The following PANX2 variants were observed in gnomAD, a reference collection of about 807,000 sequenced individuals.
PANX2 encodes the protein pannexin-2.
Under a neutral mutation model 38.7 loss-of-function variants are expected in PANX2, and 30 were observed. That is an observed-to-expected ratio of 0.78 (90% CI 0.58 to 1.05). The LOEUF (loss-of-function observed/expected upper bound fraction) is 1.05, where lower values mean the gene tolerates loss of function less well. Among genes scored for constraint, PANX2 ranks in the 50% least tolerant of loss-of-function variants. The pLI, the probability that PANX2 is intolerant of heterozygous loss-of-function variation, is 0.00. For missense variants in PANX2, 880 were observed against 979.3 expected (o/e 0.90, Z 1.35); for synonymous variants, 539 against 472.1 (o/e 1.14, Z -1.84).
intron 1 of PANX2, among the ~76,000 whole-genome samples, chr22:50,176,303 C>T (rs1482451038): frequency 6.6e-6 from 1 of 152,248 alleles, no homozygotes; most frequent in Non-Finnish European, 1.5e-5. Context: ...TCAATTTTAG[C>T]GGCAGATACC....
At chr22:50,176,915 C>G in intron 1 of PANX2, 24 bp from the exon 2 acceptor site, 1 of 1,505,494 alleles carries the variant, frequency 6.6e-7, no homozygotes, top group Non-Finnish European at 8.8e-7. Flanking sequence ...CCCGCCCCAG[C>G]CCGTGTCTCC....
chr22:50,177,451 A>C lies in PANX2; in HGVS notation c.739A>C (p.Thr247Pro). ...CGCCGTGCCCATCTCCTACCTGTGCACCTACTACGCCACGCAGAAGCAGAA... is the reference window on the plus strand; with the variant it reads ...CGCCGTGCCCATCTCCTACCTGTGCCCCTACTACGCCACGCAGAAGCAGAA... ...LSAVPISYLC[T>P]YYATQKQNEF... The change falls in exon 2 of 3, where the codon ACC becomes CCC. Residue 247 changes from threonine (T) to proline (P), a missense_variant. This residue lies in a region of PANX2 where 114 missense variants were observed against 108.8 expected (regional missense o/e 1.05). Transcript: ENST00000395842. 1 of 1,608,692 alleles carries C rather than the reference A, an allele frequency of 6.2e-7. No individual in the cohort carries two copies. The highest frequency in any genetic ancestry group is 2.2e-5 in the East Asian group (1 of 44,604).
In PANX2 at chr22:50,170,833, G is replaced by A. The variant is rs2063625519; in HGVS notation, c.103G>A (p.Gly35Ser). ...GCCGGGCGCGCAGGACGACAAGGCG[G>A]GCGCGCTGGCCGCGCTGCTTCTGCA... ...ILPGAQDDKA[G>S]ALAALLLQLK... The change falls in exon 1 of 3, where the codon GGC becomes AGC. Residue 35 changes from glycine to serine, a missense_variant. Transcript: ENST00000395842. 2.7e-6 allele frequency: 4 copies of A among 1,488,610 alleles called. 1 individual carries two copies. Among genetic ancestry groups the A allele is most frequent in the Non-Finnish European group, 1.8e-6 (2 of 1,116,052 alleles). 92.2% of individuals were successfully genotyped at this position (1,488,610 alleles called of 1,614,324 possible).
chr22:50,179,573 G>A lies in PANX2; in HGVS notation c.*296G>A. 2.2e-6 allele frequency: 1 copy of A among 453,684 alleles called. No individual in the cohort carries two copies. Among genetic ancestry groups the A allele is most frequent in the Non-Finnish European group, 4.0e-6 (1 of 252,942 alleles). 28.1% of individuals were successfully genotyped at this position (453,684 alleles called of 1,614,324 possible). A position where few individuals can be genotyped will look rare whatever the true frequency, so the allele number is the denominator to read the frequency against. ...TCCTGCATCAGGTGCCCAGCCGTGGGTGGGGGCCCTGAGGTGAAGAGTTTA... is the reference window on the plus strand; with the variant it reads ...TCCTGCATCAGGTGCCCAGCCGTGGATGGGGGCCCTGAGGTGAAGAGTTTA... On this transcript the variant is annotated 3_prime_UTR_variant, in exon 3 of 3. Coordinates refer to ENST00000395842, the MANE Select transcript of PANX2 (RefSeq NM_052839.4).
chr22:50,178,926 GT>G lies in PANX2; in HGVS notation c.1691-5del. The stretch of plus-strand genomic sequence containing the variant: ...GTGTGAGATGTCTGTGCTCTTGGCT[GT>G]TTGCAGATGCTCCGCTCCCCGAGAA... On this transcript the variant is annotated splice_polypyrimidine_tract_variant and splice_region_variant and intron_variant, in intron 2 of 2. Coordinates refer to ENST00000395842, the MANE Select transcript of PANX2 (RefSeq NM_052839.4). The G allele has an allele frequency of 6.4e-7, 1 of 1,558,180 alleles. No individual in the cohort carries two copies. The highest frequency in any genetic ancestry group is 1.2e-5 in the South Asian group (1 of 84,950).
chr22:50,177,595 A>T lies in PANX2; in HGVS notation c.883A>T (p.Ile295Phe). The change falls in exon 2 of 3, where the codon ATC becomes TTC. Residue 295 changes from isoleucine (I) to phenylalanine (F), a missense_variant. By Grantham distance (21) the Ile-to-Phe change is conservative. Coordinates refer to ENST00000395842, the MANE Select transcript of PANX2 (RefSeq NM_052839.4). ...GCAGCGCATCATCGCGGGCGTGGACATCGTGCTGCTGTGCGTCATGAACCT... is the reference window on the plus strand; with the variant it reads ...GCAGCGCATCATCGCGGGCGTGGACTTCGTGCTGCTGTGCGTCATGAACCT... ...QLQRIIAGVD[I>F]VLLCVMNLII... 1 of 1,612,866 alleles carries T rather than the reference A, an allele frequency of 6.2e-7. No homozygotes were observed. The highest frequency in any genetic ancestry group is 1.1e-5 in the South Asian group (1 of 91,082).
Position 50,170,735 on chromosome 22 carries a change from A to G in PANX2, c.5A>G (p.His2Arg), listed in dbSNP as rs1460365583. The G allele has an allele frequency of 3.5e-6, 4 of 1,153,824 alleles. No individual in the cohort carries two copies. Among genetic ancestry groups the G allele is most frequent in the Non-Finnish European group, 4.3e-6 (4 of 934,024 alleles). The allele number at this position is 1,153,824 out of a possible 1,614,324, so 71.5% of individuals were successfully genotyped here. Residue 2 changes from histidine to arginine, a missense_variant, in exon 1 of 3, where the codon CAC becomes CGC. His to Arg is a conservative substitution (Grantham distance 29). This residue lies in a region of PANX2 where 243 missense variants were observed against 333.1 expected (regional missense o/e 0.73). Coordinates refer to ENST00000395842, the MANE Select transcript of PANX2 (RefSeq NM_052839.4). MHHLLEQSADMA... is the reference protein window; with the variant it reads MRHLLEQSADMA... ...GGGCCGCGCCCCCCGCCCCCCATGC[A>G]CCACCTCCTGGAGCAGTCGGCGGAC...
intron 2 of PANX2, 126 bp downstream of exon 2, chr22:50,178,528 C>A: frequency 1.6e-6 from 1 of 611,404 alleles, no homozygotes; most frequent in Non-Finnish European, 2.6e-6. Flanking sequence ...GAGGCCCCCT[C>A]AAAGGGGGAA....
chr22:50,173,660 ACCTAC>A (rs1461468217), intron 1 of PANX2, among the ~76,000 whole-genome samples: 6 of 152,164 alleles, frequency 3.9e-5, no homozygotes, highest in Admixed American at 3.9e-4. Context: ...GCTGGAACAA[ACCTAC>A]AAGTCAGAAG....
intron 1 of PANX2, among the ~76,000 whole-genome samples, chr22:50,172,698 CCCTTTTCTCTTCT>C: frequency 2.6e-5 from 4 of 152,046 alleles, no homozygotes; most frequent in Non-Finnish European, 5.9e-5. Context: ...AGCCACTGTG[CCCTTTTCTCTTCT>C]TCACCACCCC....
chr22:50,179,184 C>T lies in PANX2; in HGVS notation c.1941C>T (p.Asp647=), dbSNP rs774352716. ...EEDGGPRLPQ[D]VGDLIAIPAP... ...ACGGGGGCCCCCGCCTGCCGCAGGA[C>T]GTGGGGGACCTCATCGCCATCCCTG... Residue 647 remains aspartate, a synonymous_variant, in exon 3 of 3, where the codon GAC becomes GAT. Transcript: ENST00000395842. 1.6e-5 allele frequency: 26 copies of T among 1,612,688 alleles called. No homozygotes were observed. Among genetic ancestry groups the T allele is most frequent in the Non-Finnish European group, 1.9e-5 (23 of 1,179,900 alleles).
intron 1 of PANX2, among the ~76,000 whole-genome samples, chr22:50,172,308 A>G (rs1377898420): frequency 6.6e-6 from 1 of 152,230 alleles, no homozygotes. Context: ...AGCTCTAGGA[A>G]AGGGACATTC....
Position 50,179,003 on chromosome 22 carries a change from G to A in PANX2, c.1760G>A (p.Gly587Asp), listed in dbSNP as rs757079114. The change falls in exon 3 of 3, where the codon GGC (glycine) becomes GAC (aspartate). Residue 587 changes from glycine (G) to aspartate (D), a missense_variant. Physicochemically the swap from Gly to Asp is moderately conservative, Grantham distance 94. Coordinates refer to ENST00000395842, the MANE Select transcript of PANX2 (RefSeq NM_052839.4). ...EPARAGLPSGGPFHVRSPPAA... is the reference protein window; with the variant it reads ...EPARAGLPSGDPFHVRSPPAA... ...GCCCGGGCAGGGCTTCCCTCGGGGG[G>A]CCCGTTCCACGTCCGCTCACCTCCC... 16 of 1,609,610 alleles carry A rather than the reference G, an allele frequency of 9.9e-6. No homozygotes were observed. The highest frequency in any genetic ancestry group is 1.6e-4 in the Middle Eastern group (1 of 6,062).
At position 50,177,617 on chromosome 22, in the gene PANX2, A is replaced by C. The variant is rs1467197663; in HGVS notation, c.905A>C (p.Asn302Thr). 1.2e-6 allele frequency: 2 copies of C among 1,612,946 alleles called. No homozygotes were observed. Among genetic ancestry groups the C allele is most frequent in the Non-Finnish European group, 1.7e-6 (2 of 1,179,986 alleles). The change falls in exon 2 of 3, where the codon AAC (asparagine) becomes ACC (threonine). Residue 302 changes from asparagine to threonine, a missense_variant. Asn to Thr is a moderately conservative substitution (Grantham distance 65, BLOSUM62 0). This residue lies in a region of PANX2 where 114 missense variants were observed against 108.8 expected (regional missense o/e 1.05). Transcript: ENST00000395842. ...GVDIVLLCVM[N>T]LIILVNLIHL... ...GACATCGTGCTGCTGTGCGTCATGAACCTCATCATCCTCGTCAACCTCATC... is the reference window on the plus strand; with the variant it reads ...GACATCGTGCTGCTGTGCGTCATGACCCTCATCATCCTCGTCAACCTCATC...
Position 50,178,175 on chromosome 22 carries a change from G to C in PANX2, c.1463G>C (p.Gly488Ala). The change falls in exon 2 of 3, where the codon GGG (glycine) becomes GCG (alanine). Residue 488 changes from glycine (G) to alanine (A), a missense_variant. Physicochemically the swap from Gly to Ala is moderately conservative, Grantham distance 60. Transcript: ENST00000395842. ...TCCGCCCACCACTACAAGGGCGGAGGGGGCGACCCGGGCCCCGGCCCCGCC... is the reference window on the plus strand; with the variant it reads ...TCCGCCCACCACTACAAGGGCGGAGCGGGCGACCCGGGCCCCGGCCCCGCC... ...DRSAHHYKGGGGDPGPGPAPA... is the reference protein window; with the variant it reads ...DRSAHHYKGGAGDPGPGPAPA... The C allele has an allele frequency of 1.3e-6, 2 of 1,491,592 alleles. No homozygotes were observed. Among genetic ancestry groups the C allele is most frequent in the Non-Finnish European group, 1.8e-6 (2 of 1,131,230 alleles). The allele number at this position is 1,491,592 out of a possible 1,614,324, so 92.4% of individuals were successfully genotyped here.
Position 50,172,125 on chromosome 22 carries a change from C to T in PANX2, c.226+1169C>T, listed in dbSNP as rs112912786. The stretch of plus-strand genomic sequence containing the variant: ...CTGCAGAGCAGGGAGCCCAGGCGTG[C>T]GGTGGGGCCTTGGGGCAGGCCCAGC... On this transcript the variant is annotated intron_variant, in intron 1 of 2. Coordinates refer to ENST00000395842, the MANE Select transcript of PANX2 (RefSeq NM_052839.4). 4.6e-3 allele frequency among the ~76,000 whole-genome samples: 697 copies of T among 152,314 alleles called. 4 individuals are homozygous for T. The highest frequency in any genetic ancestry group is 0.016 in the African/African-American group (663 of 41,578).
At position 50,177,225 on chromosome 22, in the gene PANX2, CCG is replaced by C. The variant is rs1259121655; in HGVS notation, c.519_520del (p.Pro174GlnfsTer332). 6.2e-7 allele frequency: 1 copy of C among 1,611,084 alleles called. No individual in the cohort carries two copies. Among genetic ancestry groups the C allele is most frequent in the Non-Finnish European group, 8.5e-7 (1 of 1,179,126 alleles). ...ACTGTTACCACCGGGCGGCCGAGGG[CCG>C]CGCGCCCAAGATCGAGAAGCAGATC... ...DNCYHRAAEGRAPKIEKQIQS... is the reference protein window; with the variant it reads ...DNCYHRAAEGXAPKIEKQIQS... On this transcript the variant is annotated frameshift_variant, in exon 2 of 3. Transcript: ENST00000395842. LOFTEE classifies it high-confidence loss of function.
Position 50,177,507 on chromosome 22 carries a change from G to T in PANX2, c.795G>T (p.Pro265=). ...TCACCTGCGCGCTGGGCGCGTCCCC[G>T]GACGGGGCGGCAGGTGCGGGGCCCG... ...NEFTCALGAS[P]DGAAGAGPAV... The change falls in exon 2 of 3, where the codon CCG becomes CCT. Residue 265 remains proline (P), a synonymous_variant. Coordinates refer to ENST00000395842, the MANE Select transcript of PANX2 (RefSeq NM_052839.4). The T allele has an allele frequency of 6.2e-7, 1 of 1,609,498 alleles. No individual in the cohort carries two copies.
At chr22:50,171,037 C>T (rs2063626943) in intron 1 of PANX2, 81 bp downstream of exon 1, 4 of 689,450 alleles carry the variant, frequency 5.8e-6, no homozygotes, top group South Asian at 6.1e-5. Flanking sequence ...CCCGCGTCCC[C>T]GGCGGCTCCG....
Sources: gnomAD v4.1 joint callset for allele counts (sites outside exome capture counted in the v4.1 genomes callset) on GRCh38, gnomAD v4.1.1 for gene constraint, gnomAD v4.1.1 regional missense constraint, MANE v1.5 for transcripts, NCBI Gene and HGNC (gene_info 2026-07-23, HGNC 2026-07-21) for gene names.